Variants in ANAPC5 observed in about 807,000 individuals in gnomAD.
ANAPC5 encodes the protein anaphase-promoting complex subunit 5.
Under a neutral mutation model 91.3 loss-of-function variants are expected in ANAPC5, and 60 were observed. The observed-to-expected ratio is 0.66, with a 90% CI of 0.53 to 0.81. The LOEUF is 0.81. Ranked by LOEUF, ANAPC5 falls within the 40% of genes least tolerant of loss-of-function variation. ANAPC5 has a pLI of 0.00. For synonymous variants in ANAPC5, 340 were observed against 364.1 expected, an observed-to-expected ratio of 0.93 and a Z score of 0.75; for missense variants, 690 against 931.5, an observed-to-expected ratio of 0.74 and a Z score of 3.37.
At chr12:121,349,089 A>T (rs1555275013) in intron 1 of ANAPC5, among the ~76,000 whole-genome samples, 2 of 152,150 alleles carry the variant, frequency 1.3e-5, no homozygotes, top group African/African-American at 4.8e-5. Context: ...ACATGGTGAA[A>T]TCCCATGCCC....
In ANAPC5 at chr12:121,308,535, C is replaced by T. The variant is rs368930697; in HGVS notation, c.2213G>A (p.Arg738Gln). 2.9e-5 allele frequency: 46 copies of T among 1,613,984 alleles called. No individual in the cohort carries two copies. The highest frequency in any genetic ancestry group is 1.6e-4 in the Middle Eastern group (1 of 6,084). The change falls in exon 17 of 17, where the codon CGG becomes CAG. Residue 738 changes from arginine (R) to glutamine (Q), a missense_variant. Arg to Gln is a conservative substitution (Grantham distance 43). Transcript: ENST00000261819. ...AGAGGGCAGCTCCTGATGCAGCTGC[C>T]GGAAGAGCATCGCACACCGGTTCCT... is the stretch of plus-strand genomic sequence containing the variant. ...QERNRCAMLF[R>Q]QLHQELPSHG...
In ANAPC5 at chr12:121,342,092, A is replaced by G. The variant is rs782069188; in HGVS notation, c.591-23T>C. On this transcript the variant is annotated intron_variant, in intron 4 of 16. Coordinates refer to ENST00000261819, the MANE Select transcript of ANAPC5 (RefSeq NM_016237.5). The surrounding 1 kb of genome is among the most constrained non-coding windows in gnomAD (Gnocchi z 4.1). ...TCTCTGGAAAAAATAAAAAAACAAA[A>G]ATAGTAAAGAATTACACAAAAGTAA... 8 of 1,509,238 alleles carry G rather than the reference A, an allele frequency of 5.3e-6. No homozygotes were observed. Among genetic ancestry groups the G allele is most frequent in the Non-Finnish European group, 5.4e-6 (6 of 1,103,076 alleles). 93.5% of individuals were successfully genotyped at this position (1,509,238 alleles called of 1,614,324 possible).
intron 1 of ANAPC5, 53 bp from the exon 2 acceptor site, chr12:121,347,934 A>G: frequency 8.4e-7 from 1 of 1,189,138 alleles, no homozygotes. Flanking sequence ...GGAGACTGAT[A>G]AAGAATTGCA....
Position 121,318,322 on chromosome 12 carries a change from T to C in ANAPC5, c.1848A>G (p.Leu616=). 1 of 1,591,510 alleles carries C rather than the reference T, an allele frequency of 6.3e-7. No homozygotes were observed. Among genetic ancestry groups the C allele is most frequent in the Non-Finnish European group, 8.5e-7 (1 of 1,171,750 alleles). Residue 616 remains leucine, a synonymous_variant, in exon 15 of 17, where the codon TTA becomes TTG. Transcript: ENST00000261819. The part of the protein sequence containing the change: ...QALALSKEYR[L]QYLASETVLN... Reference sequence around the variant, plus strand: ...GCACTGTTTCAGAGGCCAAGTACTGTAACCGGTACTCCTTGGAGAGGGCCA... The same window carrying C: ...GCACTGTTTCAGAGGCCAAGTACTGCAACCGGTACTCCTTGGAGAGGGCCA...
chr12:121,316,119 A>G (rs1419697192), intron 15 of ANAPC5, among the ~76,000 whole-genome samples: 1 of 152,236 alleles, frequency 6.6e-6, no homozygotes, highest in East Asian at 1.9e-4. Flanking sequence ...ACTTAGTTAA[A>G]AAACAGGTAA....
At chr12:121,317,975 A>C in intron 15 of ANAPC5, 1 of 231,694 alleles carries the variant, frequency 4.3e-6, no homozygotes, top group Non-Finnish European at 8.3e-6. Context: ...CCTTGTTGCT[A>C]AATCAAGCAT....
At chr12:121,345,054 G>A (rs1903610152) in intron 4 of ANAPC5, among the ~76,000 whole-genome samples, 2 of 152,140 alleles carry the variant, frequency 1.3e-5, no homozygotes, top group African/African-American at 4.8e-5. Flanking sequence ...GTAGAGATTG[G>A]GTGCTTAGAC....
intron 5 of ANAPC5, among the ~76,000 whole-genome samples, chr12:121,340,532 C>T (rs560043545): frequency 1.3e-5 from 2 of 151,118 alleles, no homozygotes; most frequent in Non-Finnish European, 2.9e-5. Context: ...GAGGTAATTC[C>T]GTAAATTTTT....
chr12:121,354,146 G>A (rs1347311050), upstream of ANAPC5, among the ~76,000 whole-genome samples: 1 of 150,944 alleles, frequency 6.6e-6, no homozygotes, highest in African/African-American at 2.4e-5. Flanking sequence ...GCACCACCAC[G>A]CCCGGCTAAT....
intron 15 of ANAPC5, among the ~76,000 whole-genome samples, chr12:121,310,806 C>T (rs1165071323): frequency 2.0e-5 from 3 of 151,052 alleles, no homozygotes; most frequent in African/African-American, 7.3e-5. Context: ...TAGTGGCACG[C>T]ACCTGTAATC....
At chr12:121,328,601 T>C in intron 9 of ANAPC5, 104 bp from the exon 10 acceptor site, 1 of 1,048,574 alleles carries the variant, frequency 9.5e-7, no homozygotes, top group Non-Finnish European at 1.4e-6. Flanking sequence ...ACATGCACAG[T>C]GACAGCACTA....
chr12:121,330,747 A>G (rs1903013029), intron 8 of ANAPC5, 75 bp from the exon 9 acceptor site: 1 of 1,218,720 alleles, frequency 8.2e-7, no homozygotes, highest in Non-Finnish European at 1.2e-6. Flanking sequence ...CAATGTGGTC[A>G]TAAGAAAGAA....
chr12:121,316,468 T>TCACGC (rs1236899801), intron 15 of ANAPC5, among the ~76,000 whole-genome samples: 1 of 152,022 alleles, frequency 6.6e-6, no homozygotes, highest in Non-Finnish European at 1.5e-5. Context: ...GCGCGGTGGC[T>TCACGC]CACGCCTGTA....
intron 1 of ANAPC5, among the ~76,000 whole-genome samples, chr12:121,349,622 A>G (rs1023906564): frequency 3.9e-5 from 6 of 151,968 alleles, no homozygotes; most frequent in Non-Finnish European, 8.8e-5. Context: ...AAATAACTAT[A>G]TAGTAGTTAG....
At position 121,328,468 on chromosome 12, in the gene ANAPC5, A is replaced by C; in HGVS notation, c.1152T>G (p.Leu384=). Residue 384 remains leucine (L), a synonymous_variant, in exon 10 of 17, where the codon CTT becomes CTG. Transcript: ENST00000261819. Reference sequence around the variant, plus strand: ...TCCCAGCAAAAGCTCTCTGTTGAACAAGGGACTGTATTCCCAGGGAGGCGA... The same window carrying C: ...TCCCAGCAAAAGCTCTCTGTTGAACCAGGGACTGTATTCCCAGGGAGGCGA... ...PYLASLGIQS[L]VQQRAFAGKT... 6.2e-7 allele frequency: 1 copy of C among 1,613,974 alleles called. No individual in the cohort carries two copies. The highest frequency in any genetic ancestry group is 8.5e-7 in the Non-Finnish European group (1 of 1,180,006).
chr12:121,345,453 A>ATT lies in ANAPC5; in HGVS notation c.590+385_590+386insAA, dbSNP rs576110542. ...AGACACAATACAGTCCCCAGGACTGATAACAGTGGGGTACCTTTCACCTGG... is the reference window on the plus strand; with the variant it reads ...AGACACAATACAGTCCCCAGGACTGATTTAACAGTGGGGTACCTTTCACCTGG... On this transcript the variant is annotated intron_variant, in intron 4 of 16. Coordinates refer to ENST00000261819, the MANE Select transcript of ANAPC5 (RefSeq NM_016237.5). 8.3e-4 allele frequency among the ~76,000 whole-genome samples: 127 copies of ATT among 152,312 alleles called. 1 individual carries two copies. Among genetic ancestry groups the ATT allele is most frequent in the African/African-American group, 2.8e-3 (117 of 41,570 alleles).
chr12:121,348,038 C>T (rs1444761961), intron 1 of ANAPC5, among the ~76,000 whole-genome samples, 157 bp from the exon 2 acceptor site: 2 of 152,148 alleles, frequency 1.3e-5, no homozygotes, highest in Non-Finnish European at 2.9e-5. Context: ...TAAAGTAATA[C>T]TTCACATTTG....
chr12:121,320,714 T>C (rs1032122479), intron 11 of ANAPC5: 1 of 266,828 alleles, frequency 3.7e-6, no homozygotes, highest in Non-Finnish European at 7.2e-6. Context: ...GCCATTCTCC[T>C]GCCTCAGCCT....
intron 16 of ANAPC5, among the ~76,000 whole-genome samples, chr12:121,309,146 C>CAAAA (rs35933671): frequency 5.4e-5 from 2 of 36,840 alleles, no homozygotes; most frequent in East Asian, 8.3e-4. Context: ...GACTCCATCT[C>CAAAA]AAAAAAAAAA....
Sources: allele counts gnomAD v4.1 joint callset (sites outside exome capture counted in the v4.1 genomes callset), GRCh38; gene constraint gnomAD v4.1.1; non-coding constraint Gnocchi (gnomAD v3.1); transcripts MANE v1.5; gene names NCBI Gene and HGNC (gene_info 2026-07-23, HGNC 2026-07-21).